Variants in UTP14A observed in about 807,000 individuals in gnomAD.
UTP14A encodes the protein U3 small nucleolar RNA-associated protein 14 homolog A.
Under a neutral mutation model 57.2 loss-of-function variants are expected in UTP14A, and 5 were observed. The ratio of observed to expected loss-of-function variants is 0.09; its 90% confidence interval spans 0.05 to 0.18. The LOEUF (loss-of-function observed/expected upper bound fraction) is 0.18, where lower values mean the gene tolerates loss of function less well. UTP14A is among the 10% of genes least tolerant of loss of function. UTP14A has a pLI of 1.00. For missense variants in UTP14A, 430 were observed against 562.1 expected (o/e 0.76, Z 2.38); for synonymous variants, 169 against 210.9 (o/e 0.80, Z 1.72).
intron 6 of UTP14A, among the ~76,000 whole-genome samples, chrX:129,918,616 G>A (rs1022414194): frequency 2.7e-5 from 3 of 111,216 alleles, no homozygotes; most frequent in African/African-American, 9.8e-5. Flanking sequence ...GGTGGCTCAC[G>A]CCTGTAATCC....
intron 11 of UTP14A, chrX:129,921,828 TG>T (rs1445259935): frequency 2.8e-6 from 1 of 362,745 alleles, no homozygotes; most frequent in East Asian, 4.5e-5. Context: ...TTTCTGTTCT[TG>T]GGGGCTTACA....
At chrX:129,918,898 A>C (rs1395782035) in intron 6 of UTP14A, among the ~76,000 whole-genome samples, 1 of 109,911 alleles carries the variant, frequency 9.1e-6, no homozygotes, top group African/African-American at 3.4e-5. Context: ...AAAAAAAAAA[A>C]CATATATTGG....
At position 129,926,327 on chromosome X, in the gene UTP14A, A is replaced by G; in HGVS notation, c.2031A>G (p.Ala677=). 1 of 1,211,227 alleles carries G rather than the reference A, an allele frequency of 8.3e-7. No individual in the cohort carries two copies. The highest frequency in any genetic ancestry group is 1.1e-6 in the Non-Finnish European group (1 of 894,783). Residue 677 remains alanine (A), a synonymous_variant, in exon 14 of 15, where the codon GCA becomes GCG. Transcript: ENST00000394422. ...VIINEKRNIH[A]AAHQVRVLPY... ...TCAATGAGAAGCGCAACATCCACGCAGCTGCTCATCAGGTGAGAGCTTAGA... is the reference window on the plus strand; with the variant it reads ...TCAATGAGAAGCGCAACATCCACGCGGCTGCTCATCAGGTGAGAGCTTAGA...
rs753836203 is a variant in UTP14A, at chrX:129,911,813, A to G, written c.429A>G (p.Lys143=). The G allele has an allele frequency of 7.4e-6, 9 of 1,211,504 alleles. No homozygotes were observed. Among genetic ancestry groups the G allele is most frequent in the Non-Finnish European group, 1.0e-5 (9 of 895,459 alleles). The part of the protein sequence containing the change: ...AFNKTAQVLS[K]WDPVVLKNRQ... ...ATAAAACCGCACAAGTCCTCTCCAA[A>G]TGGGACCCTGTCGTCCTGAAGAACC... The change falls in exon 6 of 15, where the codon AAA becomes AAG. Residue 143 remains lysine, a synonymous_variant. Transcript: ENST00000394422.
At chrX:129,911,652 C>T in intron 5 of UTP14A, 114 bp from the exon 6 acceptor site, 2 of 900,594 alleles carry the variant, frequency 2.2e-6, no homozygotes, top group Non-Finnish European at 3.1e-6. Flanking sequence ...CTGATTCTAG[C>T]ATCCTGATTC....
intron 6 of UTP14A, among the ~76,000 whole-genome samples, chrX:129,916,875 GT>G (rs1929713971): frequency 1.8e-5 from 2 of 111,189 alleles, no homozygotes; most frequent in Non-Finnish European, 3.8e-5. Context: ...TGACAGAATT[GT>G]ACTTAGGCCT....
intron 6 of UTP14A, among the ~76,000 whole-genome samples, chrX:129,913,023 C>T (rs936372040): frequency 1.3e-4 from 15 of 111,380 alleles, no homozygotes; most frequent in African/African-American, 3.6e-4. Context: ...GTTTTTAGTC[C>T]GAATAACTGC....
In UTP14A at chrX:129,929,542, A is replaced by T; in HGVS notation, c.2250A>T (p.Ile750=). 2 of 1,211,775 alleles carry T rather than the reference A, an allele frequency of 1.7e-6. No individual in the cohort carries two copies. The change falls in exon 15 of 15, where the codon ATA becomes ATT. Residue 750 remains isoleucine (I), a synonymous_variant. Transcript: ENST00000394422. ...RSSSRSDLSV[I]QRNPKRITTR... ...CCTCAAGGTCGGACCTGTCTGTCAT[A>T]CAGAGGAATCCAAAACGAATCACCA...
At chrX:129,925,865 G>T in intron 12 of UTP14A, 54 bp from the exon 13 acceptor site, 1 of 1,184,691 alleles carries the variant, frequency 8.4e-7, no homozygotes, top group South Asian at 1.8e-5. Flanking sequence ...AAGCGTTCTC[G>T]CCATGAACCA....
At chrX:129,928,384 CAAAAAAAAAA>C (rs1183151025) in intron 14 of UTP14A, among the ~76,000 whole-genome samples, 2 of 8,762 alleles carry the variant, frequency 2.3e-4, no homozygotes, top group Admixed American at 1.6e-3. Context: ...GACTCCATCT[CAAAAAAAAAA>C]AAAAAAAAAA....
chrX:129,918,643 C>T (rs1174501595), intron 6 of UTP14A, among the ~76,000 whole-genome samples: 1 of 110,744 alleles, frequency 9.0e-6, no homozygotes, highest in Non-Finnish European at 1.9e-5. Context: ...TTTGGGAGGC[C>T]GAGGCGGGCG....
chrX:129,924,837 C>G lies in UTP14A; in HGVS notation c.1391C>G (p.Ser464Cys). The part of the protein sequence containing the change: ...QEVLSELRVL[S>C]QKLKENHQSR... ...GTGCTGTCTGAATTGAGAGTACTAT[C>G]TCAGAAATTGAAGGAAAACCATCAG... is the stretch of plus-strand genomic sequence containing the variant. The change falls in exon 12 of 15, where the codon TCT becomes TGT. Residue 464 changes from serine (S) to cysteine (C), a missense_variant. This residue lies in a region of UTP14A where 120 missense variants were observed against 116.8 expected (regional missense o/e 1.03). Transcript: ENST00000394422. 1 of 1,208,621 alleles carries G rather than the reference C, an allele frequency of 8.3e-7. No individual in the cohort carries two copies. Among genetic ancestry groups the G allele is most frequent in the Non-Finnish European group, 1.1e-6 (1 of 894,864 alleles).
At position 129,919,596 on chromosome X, in the gene UTP14A, G is replaced by C. The variant is rs141546055; in HGVS notation, c.752+107G>C. 1.6e-3 allele frequency: 1,463 copies of C among 887,089 alleles called. 14 individuals carry two copies. In the African/African-American group the frequency reaches 0.026, roughly 16 times the overall value. The allele number at this position is 887,089 out of a possible 1,213,427, so 73.1% of individuals were successfully genotyped here. On this transcript the variant is annotated intron_variant, in intron 8 of 14. Coordinates refer to ENST00000394422, the MANE Select transcript of UTP14A (RefSeq NM_006649.4). ...TTGATGCAGCAACTAGAGTCATGCAGATGAGGTCCCAAACAGGAGTGACTA... is the reference window on the plus strand; with the variant it reads ...TTGATGCAGCAACTAGAGTCATGCACATGAGGTCCCAAACAGGAGTGACTA...
intron 4 of UTP14A, among the ~76,000 whole-genome samples, chrX:129,909,978 G>A (rs939254584): frequency 1.2e-4 from 14 of 112,102 alleles, no homozygotes; most frequent in Non-Finnish European, 2.6e-4. Context: ...TGAGCTCATG[G>A]GGTTTACATT....
Position 129,916,785 on chromosome X carries a change from C to T in UTP14A, c.538-2390C>T, listed in dbSNP as rs559993119. 4.2e-4 allele frequency among the ~76,000 whole-genome samples: 47 copies of T among 111,735 alleles called. No homozygotes were observed. In the South Asian group the frequency reaches 0.016, roughly 38 times the overall value. On this transcript the variant is annotated intron_variant, in intron 6 of 14. Coordinates refer to ENST00000394422, the MANE Select transcript of UTP14A (RefSeq NM_006649.4). The stretch of plus-strand genomic sequence containing the variant: ...AGCATTTTAGCTATGCTGGACAACA[C>T]GTTGTTCTATTACATACCACTCCTT...
intron 6 of UTP14A, 126 bp downstream of exon 6, chrX:129,912,047 AAAG>A: frequency 1.2e-6 from 1 of 854,645 alleles, no homozygotes; most frequent in Non-Finnish European, 1.6e-6. Flanking sequence ...TAGTGCTCAG[AAAG>A]AAGGGGTTGC....
intron 2 of UTP14A, among the ~76,000 whole-genome samples, 200 bp from the exon 3 acceptor site, chrX:129,907,860 G>A (rs759298175): frequency 6.3e-5 from 7 of 111,901 alleles, no homozygotes; most frequent in African/African-American, 1.6e-4. Flanking sequence ...GGAGGCTGAG[G>A]CAGGAGAATG....
At chrX:129,923,119 CA>C (rs1236102340) in intron 11 of UTP14A, 1 of 112,500 alleles carries the variant, frequency 8.9e-6, no homozygotes, top group African/African-American at 3.2e-5. Context: ...TGAAAATGAG[CA>C]AGGAAACCTG....
chrX:129,912,382 A>G (rs1240441774), intron 6 of UTP14A, among the ~76,000 whole-genome samples: 1 of 109,481 alleles, frequency 9.1e-6, no homozygotes, highest in African/African-American at 3.3e-5. Context: ...CAGTCTCCCA[A>G]AAGTTTTGTG....
Sources: gnomAD v4.1 joint callset for allele counts (sites outside exome capture counted in the v4.1 genomes callset) on GRCh38, gnomAD v4.1.1 for gene constraint, gnomAD v4.1.1 regional missense constraint, MANE v1.5 for transcripts, NCBI Gene and HGNC (gene_info 2026-07-23, HGNC 2026-07-21) for gene names.